LYRM1: variants seen among roughly 807,000 people sequenced by gnomAD.
LYRM1 encodes the protein LYR motif containing 1.
In LYRM1, 14 loss-of-function variants were observed where a neutral mutation model predicts 14.9. The observed-to-expected ratio is 0.94, with a 90% CI of 0.62 to 1.47. The LOEUF (loss-of-function observed/expected upper bound fraction) is 1.47. Among genes scored for constraint, LYRM1 ranks in the 40% most tolerant of loss-of-function variants. The probability of loss-of-function intolerance (pLI) is 0.00; values close to 1 mark genes in which losing one functional copy is unlikely to be tolerated. For synonymous variants in LYRM1, 43 were observed against 56.2 expected (o/e 0.77, Z 1.05); for missense variants, 153 against 149.9 (o/e 1.02, Z -0.11).
intron 2 of LYRM1, among the ~76,000 whole-genome samples, chr16:20,916,403 C>G (rs550828294): frequency 1.3e-5 from 2 of 152,016 alleles, no homozygotes; most frequent in Non-Finnish European, 2.9e-5. Flanking sequence ...ACTTCTCTTC[C>G]GTCTCCTCAC....
chr16:20,900,685 T>A (rs1036081089), upstream of LYRM1: 1 of 151,438 alleles, frequency 6.6e-6, no homozygotes, highest in African/African-American at 2.4e-5. Context: ...CGGCGGGAGA[T>A]GGGTAGAGTC....
Position 20,901,788 on chromosome 16 carries a change from T to G in LYRM1, c.-1+899T>G, listed in dbSNP as rs2082071233. Among the ~76,000 whole-genome samples, 1 of 149,662 alleles carries G rather than the reference T, an allele frequency of 6.7e-6. No homozygotes were observed. The highest frequency in any genetic ancestry group is 2.1e-4 in the South Asian group (1 of 4,832). ...GAAGGGTGGAAGTAGTTAGACCTGT[T>G]AGGAGACTGTTGCACTGTAAGACAA... On this transcript the variant is annotated intron_variant, in intron 1 of 3. Transcript: ENST00000567954. The surrounding 1 kb of genome is among the most constrained non-coding windows in gnomAD (Gnocchi z 4.6).
chr16:20,905,269 C>T (rs981137333), intron 1 of LYRM1, among the ~76,000 whole-genome samples: 74 of 152,162 alleles, frequency 4.9e-4, no homozygotes, highest in African/African-American at 1.7e-3. Flanking sequence ...ATAATCCTTA[C>T]GACTCTGAAA....
chr16:20,916,851 T>C (rs907253016), intron 2 of LYRM1, among the ~76,000 whole-genome samples: 27 of 152,032 alleles, frequency 1.8e-4, no homozygotes, highest in Non-Finnish European at 3.7e-4. Context: ...AAGACAAACA[T>C]AAGCCAAACC....
chr16:20,906,029 G>A (rs1596695670), intron 1 of LYRM1, among the ~76,000 whole-genome samples: 3 of 152,130 alleles, frequency 2.0e-5, no homozygotes, highest in African/African-American at 7.2e-5. Context: ...TTCCAACTAT[G>A]TGCCAGCCTA....
rs761033317 is a variant in LYRM1, at chr16:20,924,083, A to C, written c.336A>C (p.Pro112=). Residue 112 remains proline, a synonymous_variant, in exon 4 of 4, where the codon CCA becomes CCC. Transcript: ENST00000567954. Reference sequence around the variant, plus strand: ...AGAAACTGAGGAAACTTTCCAAACCAGTATATCTCAGATCTCATGATGAAG... The same window carrying C: ...AGAAACTGAGGAAACTTTCCAAACCCGTATATCTCAGATCTCATGATGAAG... ...SQEKLRKLSK[P]VYLRSHDEVS 7 of 1,610,138 alleles carry C rather than the reference A, an allele frequency of 4.3e-6. No homozygotes were observed. In the African/African-American group the frequency reaches 8.0e-5, roughly 18 times the overall value.
chr16:20,913,096 TAATTAAA>T (rs1329981221), intron 1 of LYRM1, among the ~76,000 whole-genome samples: 33 of 149,228 alleles, frequency 2.2e-4, no homozygotes, highest in East Asian at 7.8e-4. Flanking sequence ...ATAATAATAA[TAATTAAA>T]TAAATAAATA....
At chr16:20,914,283 T>C (rs1428851013) in intron 1 of LYRM1, among the ~76,000 whole-genome samples, 1 of 147,794 alleles carries the variant, frequency 6.8e-6, no homozygotes, top group Non-Finnish European at 1.5e-5. Context: ...GTCACTTTTT[T>C]TTTTTTTTTT....
At chr16:20,913,406 G>T (rs909975551) in intron 1 of LYRM1, among the ~76,000 whole-genome samples, 3 of 150,562 alleles carry the variant, frequency 2.0e-5, no homozygotes, top group Admixed American at 6.6e-5. Flanking sequence ...TTCACCTCCT[G>T]GGTTCAGGTG....
Position 20,920,216 on chromosome 16 carries a change from T to C in LYRM1, c.252+2T>C, listed in dbSNP as rs1363677076. On this transcript the variant is annotated splice_donor_variant, in intron 3 of 3. Transcript: ENST00000567954. LOFTEE classifies it high-confidence loss of function. The stretch of plus-strand genomic sequence containing the variant: ...TACAAGATTCCTTACCCAAGGCCAG[T>C]AAGTGTGACTCCGGTTAACAAGTGC... The C allele has an allele frequency of 2.5e-6, 4 of 1,604,590 alleles. No homozygotes were observed. Among genetic ancestry groups the C allele is most frequent in the Non-Finnish European group, 3.4e-6 (4 of 1,171,344 alleles).
In LYRM1 at chr16:20,905,197, CA is replaced by C. The variant is rs1208167878; in HGVS notation, c.-1+4309del. On this transcript the variant is annotated intron_variant, in intron 1 of 3. Transcript: ENST00000567954. The stretch of plus-strand genomic sequence containing the variant: ...TGTTCTTCCTCTGTTTCCTCCTATT[CA>C]GGTAACATTTGCCTTTGTTAACTCT... 7.2e-5 allele frequency among the ~76,000 whole-genome samples: 11 copies of C among 152,266 alleles called. No individual in the cohort carries two copies. The East Asian group carries it at 2.1e-3, about 29-fold the overall frequency.
At chr16:20,915,794 CAA>C (rs2082864482) in intron 2 of LYRM1, 80 bp downstream of exon 2, 2 of 1,463,750 alleles carry the variant, frequency 1.4e-6, no homozygotes, top group African/African-American at 2.8e-5. Flanking sequence ...GGTCTTTAAT[CAA>C]GAGGGCTGAG....
chr16:20,912,150 G>A (rs1392966360), intron 1 of LYRM1, among the ~76,000 whole-genome samples: 2 of 151,902 alleles, frequency 1.3e-5, no homozygotes, highest in Non-Finnish European at 2.9e-5. Flanking sequence ...ACATGTTACC[G>A]AGGTGGGTCT....
chr16:20,907,901 T>G (rs1479683027), intron 1 of LYRM1, among the ~76,000 whole-genome samples: 1 of 152,138 alleles, frequency 6.6e-6, no homozygotes, highest in Admixed American at 6.5e-5. Flanking sequence ...CATCTGCCTA[T>G]GCCACTAGAA....
chr16:20,913,726 G>A (rs2082719348), intron 1 of LYRM1, among the ~76,000 whole-genome samples: 1 of 152,120 alleles, frequency 6.6e-6, no homozygotes, highest in African/African-American at 2.4e-5. Flanking sequence ...GTTCTCTCTT[G>A]GCCACATCTT....
chr16:20,907,028 C>T (rs2082355639), intron 1 of LYRM1, among the ~76,000 whole-genome samples: 1 of 152,154 alleles, frequency 6.6e-6, no homozygotes, highest in Non-Finnish European at 1.5e-5. Context: ...AATAGAAAAG[C>T]TTGTGGTCAG....
chr16:20,903,927 C>T (rs972069901), intron 1 of LYRM1, among the ~76,000 whole-genome samples: 16 of 151,406 alleles, frequency 1.1e-4, no homozygotes, highest in African/African-American at 1.7e-4. Flanking sequence ...TCAGACTTTT[C>T]GATTTGATAT....
intron 1 of LYRM1, among the ~76,000 whole-genome samples, chr16:20,913,071 AT>A (rs1204262364): frequency 2.7e-5 from 1 of 37,440 alleles, no homozygotes; most frequent in East Asian, 8.5e-3. Context: ...TGTCTCAAAA[AT>A]AATAATAATA....
rs1254198490 is a variant in LYRM1 at position 20,901,454 on chromosome 16, C to G, written c.-1+565C>G. ...GACAGAAGATGGGGGGAGGGCCCCT[C>G]GAAATCGGGTAAGGTCGTTCAAAGG... is the stretch of plus-strand genomic sequence containing the variant. On this transcript the variant is annotated intron_variant, in intron 1 of 3. Coordinates refer to ENST00000567954, the MANE Select transcript of LYRM1 (RefSeq NM_001128302.3). This position sits in a 1 kb window ranked among gnomAD's most constrained non-coding sequence, Gnocchi z 4.6. 6.6e-6 allele frequency among the ~76,000 whole-genome samples: 1 copy of G among 152,150 alleles called. No homozygotes were observed. The highest frequency in any genetic ancestry group is 1.5e-5 in the Non-Finnish European group (1 of 68,036).
Sources: allele counts gnomAD v4.1 joint callset (sites outside exome capture counted in the v4.1 genomes callset), GRCh38; gene constraint gnomAD v4.1.1; non-coding constraint Gnocchi (gnomAD v3.1); transcripts MANE v1.5; gene names NCBI Gene and HGNC (gene_info 2026-07-23, HGNC 2026-07-21).